The following NYAP2 variants were observed in gnomAD, a reference collection of about 807,000 sequenced individuals.
NYAP2 encodes neuronal tyrosine-phosphorylated phosphoinositide-3-kinase adaptor 2.
A neutral mutation model predicts 50.4 loss-of-function variants in NYAP2; 23 were observed. That is an observed-to-expected ratio of 0.46 (90% CI 0.33 to 0.65). The LOEUF is 0.65. Among genes scored for constraint, NYAP2 ranks in the 30% least tolerant of loss-of-function variants. NYAP2 has a pLI of 0.02. For missense variants in NYAP2, 885 were observed against 861.0 expected, an observed-to-expected ratio of 1.03 and a Z score of -0.35; for synonymous variants, 394 against 365.2, an observed-to-expected ratio of 1.08 and a Z score of -0.90.
At chr2:225,644,244 G>C (rs1387197035) in intron 6 of NYAP2, among the ~76,000 whole-genome samples, 1 of 152,156 alleles carries the variant, frequency 6.6e-6, no homozygotes, top group Admixed American at 6.5e-5. Flanking sequence ...GCCTTCTTTT[G>C]AGAAGTGTCT....
At chr2:225,689,039 G>A in the NYAP2 span, among the ~76,000 whole-genome samples, 1 of 152,166 alleles carries the variant, frequency 6.6e-6, no homozygotes, top group Admixed American at 6.5e-5. Context: ...ACTGCGCCCA[G>A]CTTGAAAATT....
chr2:225,629,374 T>C (rs965146977), intron 6 of NYAP2, among the ~76,000 whole-genome samples: 3 of 152,222 alleles, frequency 2.0e-5, no homozygotes. Context: ...GATACTAATC[T>C]CTTCCAGAAA....
the NYAP2 span, chr2:225,701,197 T>G: frequency 6.6e-6 from 1 of 151,826 alleles, no homozygotes; most frequent in Non-Finnish European, 1.5e-5. Context: ...GAAAAGGAGA[T>G]CATTAGTATG....
chr2:225,484,108 T>G (rs1316930478), intron 3 of NYAP2, among the ~76,000 whole-genome samples: 2 of 152,230 alleles, frequency 1.3e-5, no homozygotes, highest in African/African-American at 4.8e-5. Flanking sequence ...AATCAGGTTT[T>G]TAAGTTGGTG....
Position 225,483,246 on chromosome 2 carries a change from T to C in NYAP2, c.222-30125T>C, listed in dbSNP as rs539080375. On this transcript the variant is annotated intron_variant, in intron 3 of 6. Transcript: ENST00000636099. Reference sequence around the variant, plus strand: ...TAAATAAGAGAGCTAGGGGAAACATTTGAAGGTAATAGGCAGGTTCATGAT... The same window carrying C: ...TAAATAAGAGAGCTAGGGGAAACATCTGAAGGTAATAGGCAGGTTCATGAT... 1.2e-4 allele frequency among the ~76,000 whole-genome samples: 18 copies of C among 152,280 alleles called. 1 individual carries two copies. The highest frequency in any genetic ancestry group is 3.1e-4 in the African/African-American group (13 of 41,562).
the NYAP2 span, among the ~76,000 whole-genome samples, chr2:225,678,676 A>G: frequency 1.3e-5 from 2 of 152,158 alleles, no homozygotes; most frequent in Non-Finnish European, 2.9e-5. Flanking sequence ...TGGACGTTAC[A>G]TATACTTGAA....
At chr2:225,666,841 C>T in the NYAP2 span, among the ~76,000 whole-genome samples, 2 of 144,458 alleles carry the variant, frequency 1.4e-5, no homozygotes, top group Admixed American at 6.8e-5. Context: ...TATTCCCCCC[C>T]CTCCATGCCC....
At chr2:225,666,479 A>G in the NYAP2 span, among the ~76,000 whole-genome samples, 1 of 152,314 alleles carries the variant, frequency 6.6e-6, no homozygotes, top group African/African-American at 2.4e-5. Context: ...TCAATGAAAT[A>G]CATTGAAACA....
intron 4 of NYAP2, among the ~76,000 whole-genome samples, chr2:225,531,276 C>T (rs1360812812): frequency 3.3e-5 from 5 of 152,170 alleles, no homozygotes; most frequent in Non-Finnish European, 7.4e-5. Flanking sequence ...TGTGCCCTTG[C>T]TTGTAAAATT....
chr2:225,430,998 T>A (rs925833054), intron 3 of NYAP2, among the ~76,000 whole-genome samples: 1 of 152,194 alleles, frequency 6.6e-6, no homozygotes, highest in Non-Finnish European at 1.5e-5. Flanking sequence ...GAAGGAAAGA[T>A]GTAAAAATTT....
At chr2:225,417,444 C>A (rs892533518) in intron 3 of NYAP2, among the ~76,000 whole-genome samples, 3 of 151,816 alleles carry the variant, frequency 2.0e-5, no homozygotes, top group Non-Finnish European at 4.4e-5. Context: ...CAATAATGCT[C>A]ATATTTGGAA....
intron 3 of NYAP2, among the ~76,000 whole-genome samples, chr2:225,444,548 T>C (rs1210979680): frequency 6.6e-6 from 1 of 152,218 alleles, no homozygotes; most frequent in Non-Finnish European, 1.5e-5. Flanking sequence ...ATATAAAATG[T>C]AGAAATCATA....
chr2:225,671,328 A>G, the NYAP2 span, among the ~76,000 whole-genome samples: 3 of 152,114 alleles, frequency 2.0e-5, no homozygotes, highest in Non-Finnish European at 2.9e-5. Flanking sequence ...TGTCATTTCC[A>G]CAATGTTCAT....
chr2:225,504,576 C>T (rs1488625564), intron 3 of NYAP2, among the ~76,000 whole-genome samples: 2 of 152,076 alleles, frequency 1.3e-5, no homozygotes, highest in African/African-American at 4.8e-5. Context: ...AATTGAAGTT[C>T]ATAAAGTATA....
chr2:225,675,544 C>T, the NYAP2 span, among the ~76,000 whole-genome samples: 1 of 152,034 alleles, frequency 6.6e-6, no homozygotes, highest in Admixed American at 6.6e-5. Context: ...AAATCAAATC[C>T]ACTGTTTATG....
At chr2:225,656,559 T>C (rs1693830137), downstream of NYAP2, among the ~76,000 whole-genome samples, 1 of 152,152 alleles carries the variant, frequency 6.6e-6, no homozygotes, top group African/African-American at 2.4e-5. Flanking sequence ...AGCTATGTCA[T>C]TATGTCAGCA....
At chr2:225,662,973 C>T in the NYAP2 span, among the ~76,000 whole-genome samples, 1 of 152,124 alleles carries the variant, frequency 6.6e-6, no homozygotes, top group African/African-American at 2.4e-5. Context: ...ATTTCTACCT[C>T]CATATAAAAT....
chr2:225,489,562 T>G (rs1363466559), intron 3 of NYAP2, among the ~76,000 whole-genome samples: 1 of 152,190 alleles, frequency 6.6e-6, no homozygotes, highest in African/African-American at 2.4e-5. Flanking sequence ...TAGATTCCTG[T>G]TTTCCTTTCT....
rs375182785 is a variant in NYAP2 at position 225,582,589 on chromosome 2, C to A, written c.1172C>A (p.Ala391Glu). Reference sequence around the variant, plus strand: ...CTGCCGTCCCACGTCCCCGGCCATGCGAAACTGGAGAAAGAGCAGGCCGCG... The same window carrying A: ...CTGCCGTCCCACGTCCCCGGCCATGAGAAACTGGAGAAAGAGCAGGCCGCG... The change falls in exon 5 of 7, where the codon GCG becomes GAG. Residue 391 changes from alanine (A) to glutamate (E), a missense_variant. By Grantham distance (107) the Ala-to-Glu change is moderately radical. Coordinates refer to ENST00000636099, the Ensembl canonical transcript of NYAP2. The surrounding 1 kb of genome is among the most constrained non-coding windows in gnomAD (Gnocchi z 7.0). 4.4e-6 allele frequency: 7 copies of A among 1,597,898 alleles called. No individual in the cohort carries two copies. The African/African-American group carries it at 5.4e-5, about 12-fold the overall frequency.
Sources: allele counts gnomAD v4.1 joint callset (sites outside exome capture counted in the v4.1 genomes callset), GRCh38; gene constraint gnomAD v4.1.1; non-coding constraint Gnocchi (gnomAD v3.1); transcripts MANE v1.5; gene names NCBI Gene and HGNC (gene_info 2026-07-23, HGNC 2026-07-21).